The following CD58 variants were observed in gnomAD, a reference collection of about 807,000 sequenced individuals.
CD58 encodes lymphocyte function-associated antigen 3.
Under a neutral mutation model 27.6 loss-of-function variants are expected in CD58, and 14 were observed. The ratio of observed to expected loss-of-function variants is 0.51; its 90% CI spans 0.34 to 0.79. The LOEUF (loss-of-function observed/expected upper bound fraction) is 0.79. Among genes scored for constraint, CD58 ranks in the 30% least tolerant of loss-of-function variants. CD58 has a pLI of 0.02. For missense variants in CD58, 268 were observed against 301.7 expected (o/e 0.89, Z 0.83); for synonymous variants, 117 against 103.8 (o/e 1.13, Z -0.77).
chr1:116,524,187 C>G lies in CD58; in HGVS notation c.629-2204G>C, dbSNP rs1211598410. On this transcript the variant is annotated intron_variant, in intron 3 of 5. Transcript: ENST00000369489. The surrounding 1 kb of genome is among the most constrained non-coding windows in gnomAD (Gnocchi z 4.6). ...GAATCAGCCAACTGTCCCAAAGGCC[C>G]TAGTTCATTTTCATGGGAAATGATA... Among the ~76,000 whole-genome samples the G allele has an allele frequency of 6.6e-6, 1 of 152,152 alleles. No individual in the cohort carries two copies. Among genetic ancestry groups the G allele is most frequent in the East Asian group, 1.9e-4 (1 of 5,188 alleles).
Position 116,541,008 on chromosome 1 carries a change from T to A in CD58, c.364+3303A>T, listed in dbSNP as rs1226718784. On this transcript the variant is annotated intron_variant, in intron 2 of 5. Coordinates refer to ENST00000369489, the MANE Select transcript of CD58 (RefSeq NM_001779.3). The surrounding 1 kb of genome is among the most constrained non-coding windows in gnomAD (Gnocchi z 5.3). ...TATTTTTGTAGAGATGGAGTCTTGC[T>A]ATGTTGCCTAGGATGGTCTTGAACT... 6.6e-6 allele frequency among the ~76,000 whole-genome samples: 1 copy of A among 152,150 alleles called. No individual in the cohort carries two copies. Among genetic ancestry groups the A allele is most frequent in the Non-Finnish European group, 1.5e-5 (1 of 68,030 alleles).
intron 1 of CD58, among the ~76,000 whole-genome samples, chr1:116,568,303 G>A (rs745368446): frequency 3.3e-5 from 5 of 152,058 alleles, no homozygotes; most frequent in Non-Finnish European, 5.9e-5. Flanking sequence ...AAATGGTTTG[G>A]CAAAAATAAC....
intron 3 of CD58, among the ~76,000 whole-genome samples, chr1:116,529,367 G>C (rs748055082): frequency 6.6e-6 from 1 of 152,184 alleles, no homozygotes; most frequent in Non-Finnish European, 1.5e-5. Flanking sequence ...TGACACAAAG[G>C]CAAGAAATAA....
intron 5 of CD58, chr1:116,518,742 T>C (rs1657163014): frequency 1.0e-6 from 1 of 992,806 alleles, no homozygotes; most frequent in Non-Finnish European, 1.2e-6. Flanking sequence ...ATTGTGTTTG[T>C]GTCCTATCTT....
At chr1:116,554,777 C>T (rs1436098266) in intron 1 of CD58, among the ~76,000 whole-genome samples, 3 of 151,980 alleles carry the variant, frequency 2.0e-5, no homozygotes, top group Admixed American at 6.6e-5. Flanking sequence ...AATATTAAAA[C>T]TATGTAAATT....
intron 4 of CD58, among the ~76,000 whole-genome samples, chr1:116,520,959 A>G (rs867585643): frequency 6.6e-6 from 1 of 152,224 alleles, no homozygotes; most frequent in South Asian, 2.1e-4. Flanking sequence ...TTCTGCAATG[A>G]TAGGATTATT....
chr1:116,535,416 T>C (rs947685190), intron 3 of CD58, among the ~76,000 whole-genome samples: 1 of 152,232 alleles, frequency 6.6e-6, no homozygotes, highest in Non-Finnish European at 1.5e-5. Flanking sequence ...TAAGTACTAG[T>C]ACACAACTTA....
At chr1:116,533,347 C>T (rs1029543304) in intron 3 of CD58, 6 of 1,206,854 alleles carry the variant, frequency 5.0e-6, no homozygotes, top group Middle Eastern at 2.0e-4. Flanking sequence ...GTACACCCAT[C>T]GCAGTCCATG....
At position 116,536,232 on chromosome 1, in the gene CD58, G is replaced by A. The variant is rs761758259; in HGVS notation, c.365-4C>T. ...AGTGTGGGAGATGGAAGAGACTCTG[G>A]AAAAAAAAGTATAATATTTAGTACA... On this transcript the variant is annotated splice_polypyrimidine_tract_variant and splice_region_variant and intron_variant, in intron 2 of 5. Transcript: ENST00000369489. The surrounding 1 kb of genome is among the most constrained non-coding windows in gnomAD (Gnocchi z 5.4). 22 of 1,586,918 alleles carry A rather than the reference G, an allele frequency of 1.4e-5. No individual in the cohort carries two copies. In the African/African-American group the frequency reaches 2.3e-4, roughly 17 times the overall value.
In CD58 at chr1:116,536,108, G is replaced by A; in HGVS notation, c.485C>T (p.Pro162Leu). 4 of 1,613,834 alleles carry A rather than the reference G, an allele frequency of 2.5e-6. No individual in the cohort carries two copies. The highest frequency in any genetic ancestry group is 1.3e-5 in the African/African-American group (1 of 74,978). Reference protein sequence around the residue: ...RGLIMYSWDCPMEQCKRNSTS... With the variant: ...RGLIMYSWDCLMEQCKRNSTS... ...TGAGTTACGTTTACATTGCTCCATA[G>A]GACAATCCCATGAGTACATTATAAG... Residue 162 changes from proline to leucine, a missense_variant, in exon 3 of 6, where the codon CCT (proline) becomes CTT (leucine). Coordinates refer to ENST00000369489, the MANE Select transcript of CD58 (RefSeq NM_001779.3). The surrounding 1 kb of genome is among the most constrained non-coding windows in gnomAD (Gnocchi z 5.4).
rs756314785 is a variant in CD58, at chr1:116,519,192, T to C, written c.743+39A>G. Reference sequence around the variant, plus strand: ...ATGGGCATCTACAGCAGGGCTGCTGTTGTTCTGGCACAGAGTGCACAGCCT... The same window carrying C: ...ATGGGCATCTACAGCAGGGCTGCTGCTGTTCTGGCACAGAGTGCACAGCCT... On this transcript the variant is annotated intron_variant, in intron 5 of 5. Coordinates refer to ENST00000369489, the MANE Select transcript of CD58 (RefSeq NM_001779.3). This position sits in a 1 kb window ranked among gnomAD's most constrained non-coding sequence, Gnocchi z 4.7. 4 of 1,611,196 alleles carry C rather than the reference T, an allele frequency of 2.5e-6. No homozygotes were observed. In the South Asian group the frequency reaches 3.3e-5, roughly 13 times the overall value.
At chr1:116,567,338 T>C (rs544083957) in intron 1 of CD58, among the ~76,000 whole-genome samples, 1 of 150,326 alleles carries the variant, frequency 6.7e-6, no homozygotes, top group Non-Finnish European at 1.5e-5. Context: ...AAATTACCAT[T>C]TGAAAATATT....
At position 116,551,813 on chromosome 1, in the gene CD58, C is replaced by T. The variant is rs543954430; in HGVS notation, c.71-7209G>A. ...GGAGTGCAATAGTGCCATCTTGGCT[C>T]ACTGCAACATCTGCCTTTCAGGTTC... is the stretch of plus-strand genomic sequence containing the variant. On this transcript the variant is annotated intron_variant, in intron 1 of 5. Transcript: ENST00000369489. 3.5e-4 allele frequency among the ~76,000 whole-genome samples: 52 copies of T among 148,644 alleles called. 1 individual carries two copies. The South Asian group carries it at 6.7e-3, about 19-fold the overall frequency.
At position 116,528,536 on chromosome 1, in the gene CD58, T is replaced by A. The variant is rs1657496305; in HGVS notation, c.629-6553A>T. 6.6e-6 allele frequency among the ~76,000 whole-genome samples: 1 copy of A among 152,224 alleles called. No homozygotes were observed. The highest frequency in any genetic ancestry group is 2.4e-5 in the African/African-American group (1 of 41,462). On this transcript the variant is annotated intron_variant, in intron 3 of 5. Coordinates refer to ENST00000369489, the MANE Select transcript of CD58 (RefSeq NM_001779.3). The surrounding 1 kb of genome is among the most constrained non-coding windows in gnomAD (Gnocchi z 4.4). The stretch of plus-strand genomic sequence containing the variant: ...ATGTTTCTTTTATGTTCTTGGTCCA[T>A]AAATGTGTACAACAGTTGGAAACTG...
At chr1:116,567,622 A>G (rs1658982862) in intron 1 of CD58, among the ~76,000 whole-genome samples, 1 of 152,200 alleles carries the variant, frequency 6.6e-6, no homozygotes, top group South Asian at 2.1e-4. Context: ...TGGGTGACAC[A>G]GTGAGACCCT....
chr1:116,567,380 A>G (rs778097972), intron 1 of CD58, among the ~76,000 whole-genome samples: 33 of 151,850 alleles, frequency 2.2e-4, no homozygotes, highest in Non-Finnish European at 4.3e-4. Context: ...TCATGCCTGT[A>G]ATCCCAACAC....
rs541883244 is a variant in CD58 at position 116,519,050 on chromosome 1, T to A, written c.743+181A>T. Reference sequence around the variant, plus strand: ...GAAACGATATGCAGAGAGTGGCTAGTGCAGTGCATGGCACACAGTTGGTAC... The same window carrying A: ...GAAACGATATGCAGAGAGTGGCTAGAGCAGTGCATGGCACACAGTTGGTAC... On this transcript the variant is annotated intron_variant, in intron 5 of 5. Coordinates refer to ENST00000369489, the MANE Select transcript of CD58 (RefSeq NM_001779.3). The surrounding 1 kb of genome is among the most constrained non-coding windows in gnomAD (Gnocchi z 4.7). 1.5e-5 allele frequency: 20 copies of A among 1,312,412 alleles called. 1 individual carries two copies. The allele number at this position is 1,312,412 out of a possible 1,614,324, so 81.3% of individuals were successfully genotyped here.
chr1:116,557,132 A>G lies in CD58; in HGVS notation c.71-12528T>C, dbSNP rs1658593014. ...TAAATATCTGTTGAATGAATTAACT[A>G]AAATGATTAAAATACAACTTAAATG... On this transcript the variant is annotated intron_variant, in intron 1 of 5. Coordinates refer to ENST00000369489, the MANE Select transcript of CD58 (RefSeq NM_001779.3). This position sits in a 1 kb window ranked among gnomAD's most constrained non-coding sequence, Gnocchi z 5.2. Among the ~76,000 whole-genome samples, 1 of 152,216 alleles carries G rather than the reference A, an allele frequency of 6.6e-6. No homozygotes were observed. Among genetic ancestry groups the G allele is most frequent in the Non-Finnish European group, 1.5e-5 (1 of 68,038 alleles).
chr1:116,546,558 CT>C lies in CD58; in HGVS notation c.71-1955del, dbSNP rs1333422139. Among the ~76,000 whole-genome samples the C allele has an allele frequency of 6.6e-6, 1 of 152,174 alleles. No homozygotes were observed. Among genetic ancestry groups the C allele is most frequent in the Non-Finnish European group, 1.5e-5 (1 of 68,036 alleles). On this transcript the variant is annotated intron_variant, in intron 1 of 5. Coordinates refer to ENST00000369489, the MANE Select transcript of CD58 (RefSeq NM_001779.3). The surrounding 1 kb of genome is among the most constrained non-coding windows in gnomAD (Gnocchi z 4.1). ...CACAATAGTGGAAACTCAAAAATGTCTTATAAATGTAAATGAAACAATGAGT... is the reference window on the plus strand; with the variant it reads ...CACAATAGTGGAAACTCAAAAATGTCTATAAATGTAAATGAAACAATGAGT...
Sources: allele counts gnomAD v4.1 joint callset (sites outside exome capture counted in the v4.1 genomes callset), GRCh38; gene constraint gnomAD v4.1.1; non-coding constraint Gnocchi (gnomAD v3.1); transcripts MANE v1.5; gene names NCBI Gene and HGNC (gene_info 2026-07-23, HGNC 2026-07-21).